Variants in PEBP4 observed in about 807,000 individuals in gnomAD.
PEBP4 encodes phosphatidylethanolamine-binding protein 4.
PEBP4 carries 22 observed loss-of-function variants against 23.9 expected under a neutral mutation model. That is an observed-to-expected ratio of 0.92 (90% confidence interval 0.66 to 1.31). The LOEUF (loss-of-function observed/expected upper bound fraction) is 1.31. PEBP4 is among the 40% of genes most tolerant of loss of function. The pLI is 0.00. For missense variants in PEBP4, 324 were observed against 281.7 expected (o/e 1.15, Z -1.07); for synonymous variants, 112 against 99.3 (o/e 1.13, Z -0.76).
At chr8:22,910,464 T>C (rs1377285960) in intron 3 of PEBP4, among the ~76,000 whole-genome samples, 2 of 152,118 alleles carry the variant, frequency 1.3e-5, no homozygotes, top group Admixed American at 6.5e-5. Context: ...AACAAGAAAA[T>C]GAATGGTGAG....
chr8:22,780,955 T>C (rs188898765), intron 4 of PEBP4, among the ~76,000 whole-genome samples: 89 of 152,310 alleles, frequency 5.8e-4, no homozygotes, highest in Non-Finnish European at 3.7e-4. Context: ...ATAGACACTA[T>C]CTCCCATCTC....
rs190461971 is a variant in PEBP4, at chr8:22,869,550, T to G, written c.258+50634A>C. The stretch of plus-strand genomic sequence containing the variant: ...TGCTCCCCCATAGCTGCTCTTGTTT[T>G]GGGCACCTCTTTCATAAGGAGCTGT... On this transcript the variant is annotated intron_variant, in intron 3 of 6. Transcript: ENST00000256404. Among the ~76,000 whole-genome samples the G allele has an allele frequency of 3.4e-3, 514 of 152,318 alleles. 3 individuals carry two copies. Among genetic ancestry groups the G allele is most frequent in the African/African-American group, 0.012 (488 of 41,566 alleles).
intron 3 of PEBP4, chr8:22,884,732 T>A (rs533905119): frequency 6.6e-6 from 1 of 152,358 alleles, no homozygotes; most frequent in East Asian, 1.9e-4. Flanking sequence ...AGCCTTCACA[T>A]AAGTTCAATT....
chr8:22,824,249 C>CA (rs1201871061), intron 3 of PEBP4, among the ~76,000 whole-genome samples: 4 of 151,984 alleles, frequency 2.6e-5, no homozygotes, highest in African/African-American at 9.7e-5. Flanking sequence ...TATACTTAGA[C>CA]AAAAAGATTT....
intron 3 of PEBP4, among the ~76,000 whole-genome samples, chr8:22,913,068 C>A (rs1275449722): frequency 6.6e-6 from 1 of 152,234 alleles, no homozygotes; most frequent in Admixed American, 6.5e-5. Context: ...GTCCTTCAGA[C>A]TACAAATCCA....
At chr8:22,872,576 G>A (rs1160424004) in intron 3 of PEBP4, among the ~76,000 whole-genome samples, 1 of 152,202 alleles carries the variant, frequency 6.6e-6, no homozygotes, top group Non-Finnish European at 1.5e-5. Flanking sequence ...GCAGAAAAGT[G>A]ATCTTTCCAA....
intron 4 of PEBP4, among the ~76,000 whole-genome samples, chr8:22,751,239 G>A (rs1001910484): frequency 5.9e-5 from 9 of 152,178 alleles, no homozygotes; most frequent in African/African-American, 2.2e-4. Flanking sequence ...ACGAGTAGGA[G>A]AGCAGAGGAA....
Position 22,716,166 on chromosome 8 carries a change from C to T in PEBP4, c.518-2630G>A, listed in dbSNP as rs1804415674. On this transcript the variant is annotated intron_variant, in intron 6 of 6. Coordinates refer to ENST00000256404, the MANE Select transcript of PEBP4 (RefSeq NM_144962.3). ...TGATGCCTGTCTCATGAGCCACCTG[C>T]CCTGTGGCTGGGACACAGAGGCCTG... 2.0e-5 allele frequency among the ~76,000 whole-genome samples: 3 copies of T among 152,194 alleles called. 1 individual carries two copies. The highest frequency in any genetic ancestry group is 2.0e-4 in the Admixed American group (3 of 15,286).
chr8:22,821,475 T>C (rs1806855041), intron 3 of PEBP4, among the ~76,000 whole-genome samples: 1 of 151,930 alleles, frequency 6.6e-6, no homozygotes. Context: ...AAGCCATGGA[T>C]ATTAGGGGTA....
At chr8:22,780,511 A>T (rs1008007333) in intron 4 of PEBP4, among the ~76,000 whole-genome samples, 1 of 152,110 alleles carries the variant, frequency 6.6e-6, no homozygotes, top group African/African-American at 2.4e-5. Flanking sequence ...TGCCTGAACT[A>T]CAGATGAAGG....
Position 22,722,209 on chromosome 8 carries a change from A to T in PEBP4, c.517+2634T>A, listed in dbSNP as rs548627893. On this transcript the variant is annotated intron_variant, in intron 6 of 6. Transcript: ENST00000256404. Reference sequence around the variant, plus strand: ...AAAAAAAAAAATCTATGGTTTCTCCAACCCAGAGCTCCCTCTTCCTTCACT... The same window carrying T: ...AAAAAAAAAAATCTATGGTTTCTCCTACCCAGAGCTCCCTCTTCCTTCACT... Among the ~76,000 whole-genome samples the T allele has an allele frequency of 2.0e-3, 308 of 152,102 alleles. 8 individuals carry two copies. In the South Asian group the frequency reaches 0.062, roughly 31 times the overall value.
chr8:22,824,286 T>G (rs1198853608), intron 3 of PEBP4, among the ~76,000 whole-genome samples: 1 of 152,184 alleles, frequency 6.6e-6, no homozygotes, highest in Non-Finnish European at 1.5e-5. Flanking sequence ...AAAGTCATGG[T>G]GAGAAATCCC....
At chr8:22,767,718 T>C (rs989743965) in intron 4 of PEBP4, among the ~76,000 whole-genome samples, 5 of 152,144 alleles carry the variant, frequency 3.3e-5, no homozygotes, top group African/African-American at 1.2e-4. Flanking sequence ...AATTGTATGC[T>C]TAAGACCTAT....
At chr8:22,901,067 T>A (rs1808700800) in intron 3 of PEBP4, among the ~76,000 whole-genome samples, 1 of 152,202 alleles carries the variant, frequency 6.6e-6, no homozygotes, top group Non-Finnish European at 1.5e-5. Context: ...GCAATAGCCC[T>A]ACACATTTGC....
chr8:22,918,248 G>C (rs887153607), intron 3 of PEBP4, among the ~76,000 whole-genome samples: 1 of 152,156 alleles, frequency 6.6e-6, no homozygotes, highest in African/African-American at 2.4e-5. Context: ...TTCCATAGTA[G>C]TAGAATACTA....
At chr8:22,794,583 C>T (rs1806205153) in intron 4 of PEBP4, among the ~76,000 whole-genome samples, 1 of 152,266 alleles carries the variant, frequency 6.6e-6, no homozygotes, top group African/African-American at 2.4e-5. Flanking sequence ...CCACACCTAG[C>T]TGACCATACA....
chr8:22,737,545 C>A (rs1804893823), intron 4 of PEBP4, among the ~76,000 whole-genome samples: 1 of 152,148 alleles, frequency 6.6e-6, no homozygotes, highest in Non-Finnish European at 1.5e-5. Flanking sequence ...ACTCCCCCCG[C>A]CTTGGAGAGC....
chr8:22,917,755 A>C (rs539998535), intron 3 of PEBP4, among the ~76,000 whole-genome samples: 4 of 152,332 alleles, frequency 2.6e-5, no homozygotes, highest in Non-Finnish European at 5.9e-5. Flanking sequence ...GTAGAGGGTC[A>C]CTGCTAGGTT....
chr8:22,854,836 G>A (rs531613028), intron 3 of PEBP4, among the ~76,000 whole-genome samples: 59 of 152,072 alleles, frequency 3.9e-4, no homozygotes, highest in Non-Finnish European at 7.9e-4. Flanking sequence ...TTCTACTGAA[G>A]GTTTTATTTG....
Sources: allele counts gnomAD v4.1 joint callset (sites outside exome capture counted in the v4.1 genomes callset), GRCh38; gene constraint gnomAD v4.1.1; transcripts MANE v1.5; gene names NCBI Gene and HGNC (gene_info 2026-07-23, HGNC 2026-07-21).